Variants in XYLT2 observed in about 807,000 individuals in gnomAD.
XYLT2 encodes the protein UDP-D-xylose:proteoglycan core protein beta-D-xylosyltransferase.
Under a neutral mutation model 82.6 loss-of-function variants are expected in XYLT2, and 37 were observed. The observed-to-expected ratio is 0.45, with a 90% confidence interval of 0.34 to 0.59. The LOEUF is 0.59. Among genes scored for constraint, XYLT2 ranks in the 20% least tolerant of loss-of-function variants. The probability of loss-of-function intolerance (pLI) is 0.01; values close to 1 mark genes in which losing one functional copy is unlikely to be tolerated. For synonymous variants in XYLT2, 474 were observed against 499.0 expected, an observed-to-expected ratio of 0.95 and a Z score of 0.67; for missense variants, 934 against 1,181.3, an observed-to-expected ratio of 0.79 and a Z score of 3.07.
In XYLT2 at chr17:50,360,461, G is replaced by C. The variant is rs1303491533; in HGVS notation, c.*170G>C. The C allele has an allele frequency of 3.6e-6, 5 of 1,387,514 alleles. No individual in the cohort carries two copies. The African/African-American group carries it at 7.3e-5, about 20-fold the overall frequency. 86.0% of individuals were successfully genotyped at this position (1,387,514 alleles called of 1,614,324 possible). A position where few individuals can be genotyped will look rare whatever the true frequency, so the allele number is the denominator to read the frequency against. ...GGTGGACACAGTATGAACTACTGCT[G>C]ATGTCTCTGTTGGGGATCAGAGGGC... On this transcript the variant is annotated 3_prime_UTR_variant, in exon 11 of 11. Transcript: ENST00000017003.
chr17:50,354,636 A>C, intron 3 of XYLT2, 53 bp downstream of exon 3: 1 of 1,565,364 alleles, frequency 6.4e-7, no homozygotes, highest in Non-Finnish European at 8.6e-7. Context: ...GCAGAAACAG[A>C]AGGTTGCAGA....
At chr17:50,347,467 G>A (rs1290505636) in intron 1 of XYLT2, among the ~76,000 whole-genome samples, 2 of 152,168 alleles carry the variant, frequency 1.3e-5, no homozygotes, top group African/African-American at 2.4e-5. Context: ...AGGTGGGGGC[G>A]GGGGTGGGGC....
chr17:50,347,029 C>A, intron 1 of XYLT2: 1 of 717,414 alleles, frequency 1.4e-6, no homozygotes, highest in Non-Finnish European at 1.7e-6. Flanking sequence ...AGAGCAGGGG[C>A]AACCAACAGC....
chr17:50,349,402 A>G (rs1393612517), intron 1 of XYLT2, among the ~76,000 whole-genome samples: 1 of 151,796 alleles, frequency 6.6e-6, no homozygotes, highest in African/African-American at 2.4e-5. Flanking sequence ...TCTTGCAGGT[A>G]TCTCTTCTCG....
In XYLT2 at chr17:50,346,323, G is replaced by A; in HGVS notation, c.135+48G>A. On this transcript the variant is annotated intron_variant, in intron 1 of 10. Coordinates refer to ENST00000017003, the MANE Select transcript of XYLT2 (RefSeq NM_022167.4). The surrounding 1 kb of genome is among the most constrained non-coding windows in gnomAD (Gnocchi z 5.1). The stretch of plus-strand genomic sequence containing the variant: ...GGGCAGGCCGGGCGCGGGGGCGCGC[G>A]GGGTCCTGGCGGGGCTGCGGGCGGC... 9.8e-7 allele frequency: 1 copy of A among 1,021,952 alleles called. No homozygotes were observed. The allele number at this position is 1,021,952 out of a possible 1,614,324, so 63.3% of individuals were successfully genotyped here.
chr17:50,354,560 T>G lies in XYLT2; in HGVS notation c.781T>G (p.Phe261Val). ...CAAGGCCGTTTATCACGAGCAGCACTTCTTTTACATCCATGTGGACAAGGT... is the reference window on the plus strand; with the variant it reads ...CAAGGCCGTTTATCACGAGCAGCACGTCTTTTACATCCATGTGGACAAGGT... ...LLKAVYHEQH[F>V]FYIHVDKRSD... The change falls in exon 3 of 11, where the codon TTC (phenylalanine) becomes GTC (valine). Residue 261 changes from phenylalanine (F) to valine (V), a missense_variant. Physicochemically the swap from Phe to Val is conservative, Grantham distance 50 (BLOSUM62 -1). Transcript: ENST00000017003. 6.2e-7 allele frequency: 1 copy of G among 1,610,882 alleles called. No homozygotes were observed.
At position 50,356,138 on chromosome 17, in the gene XYLT2, C is replaced by T; in HGVS notation, c.1359C>T (p.Asp453=). The T allele has an allele frequency of 6.2e-7, 1 of 1,614,250 alleles. No individual in the cohort carries two copies. Among genetic ancestry groups the T allele is most frequent in the Non-Finnish European group, 8.5e-7 (1 of 1,180,038 alleles). ...GCCTGGCCTGTGAGACCCTCGTGGA[C>T]AACAACCTGCGGGTCACCAACTGGA... ...ENSLACETLV[D]NNLRVTNWNR... is the part of the protein sequence containing the mutation. Residue 453 remains aspartate (D), a synonymous_variant, in exon 7 of 11, where the codon GAC becomes GAT. Coordinates refer to ENST00000017003, the MANE Select transcript of XYLT2 (RefSeq NM_022167.4).
intron 1 of XYLT2, among the ~76,000 whole-genome samples, chr17:50,349,730 T>TA (rs1313760802): frequency 6.6e-6 from 1 of 151,640 alleles, no homozygotes; most frequent in Non-Finnish European, 1.5e-5. Flanking sequence ...GTGGGTAGGG[T>TA]GTGGGTAGGG....
At chr17:50,358,759 A>T (rs1012631544) in intron 10 of XYLT2, among the ~76,000 whole-genome samples, 1 of 152,242 alleles carries the variant, frequency 6.6e-6, no homozygotes, top group Non-Finnish European at 1.5e-5. Context: ...CTTGGTTTGG[A>T]ACATAACTCT....
In XYLT2 at chr17:50,356,749, C is replaced by CCAATG; in HGVS notation, c.1722_1723insAATGC (p.Pro575AsnfsTer34). The CCAATG allele has an allele frequency of 6.2e-7, 1 of 1,604,952 alleles. No homozygotes were observed. The highest frequency in any genetic ancestry group is 8.5e-7 in the Non-Finnish European group (1 of 1,179,756). On this transcript the variant is annotated frameshift_variant, in exon 8 of 11. Transcript: ENST00000017003. LOFTEE classifies it high-confidence loss of function. The stretch of plus-strand genomic sequence containing the variant: ...CTGCACCATGCCGCCACTGCTGCAC[C>CCAATG]CCCAATGGGCACCCCACTCTGCAGG...
At position 50,356,528 on chromosome 17, in the gene XYLT2, C is replaced by A; in HGVS notation, c.1500C>A (p.Thr500=). Residue 500 remains threonine (T), a synonymous_variant, in exon 8 of 11, where the codon ACC becomes ACA. Transcript: ENST00000017003. ...FLRLQQVSRP[T]FFARKFESTV... ...CACTCCAGCAAGTCTCCAGACCCAC[C>A]TTCTTCGCCCGGAAGTTCGAGTCGA... 1 of 1,614,118 alleles carries A rather than the reference C, an allele frequency of 6.2e-7. No individual in the cohort carries two copies. The highest frequency in any genetic ancestry group is 8.5e-7 in the Non-Finnish European group (1 of 1,179,998).
At chr17:50,357,383 T>A in intron 9 of XYLT2, 131 bp downstream of exon 9, 1 of 903,410 alleles carries the variant, frequency 1.1e-6, no homozygotes, top group Non-Finnish European at 1.6e-6. Flanking sequence ...GATGCCCCCA[T>A]GCAGACATCC....
chr17:50,348,533 G>A (rs991097067), intron 1 of XYLT2, among the ~76,000 whole-genome samples: 1 of 152,210 alleles, frequency 6.6e-6, no homozygotes, highest in South Asian at 2.1e-4. Flanking sequence ...CATTTAAGAC[G>A]TGCACTCTGC....
In XYLT2 at chr17:50,360,998, CAG is replaced by C. The variant is rs1286279531; in HGVS notation, c.*710_*711del. 6 of 985,772 alleles carry C rather than the reference CAG, an allele frequency of 6.1e-6. No homozygotes were observed. The highest frequency in any genetic ancestry group is 3.5e-5 in the African/African-American group (2 of 57,214). The allele number at this position is 985,772 out of a possible 1,614,324, so 61.1% of individuals were successfully genotyped here. On this transcript the variant is annotated 3_prime_UTR_variant, in exon 11 of 11. Coordinates refer to ENST00000017003, the MANE Select transcript of XYLT2 (RefSeq NM_022167.4). The stretch of plus-strand genomic sequence containing the variant: ...GGGTCAGGGCCCACTGAGACCCATG[CAG>C]AGTTTCCAGGTGTGCACTGGAAGTG...
At position 50,360,287 on chromosome 17, in the gene XYLT2, G is replaced by A; in HGVS notation, c.2594G>A (p.Arg865Lys). ...CCTGTCAAAGCAGACGGGCGACTCA[G>A]GTAGCAGGGCCCCAGCCAGTACCCG... ...LGPVKADGRL[R>K] Residue 865 changes from arginine to lysine, a missense_variant, in exon 11 of 11, where the codon AGG (arginine) becomes AAG (lysine). By Grantham distance (26) the Arg-to-Lys change is conservative. Coordinates refer to ENST00000017003, the MANE Select transcript of XYLT2 (RefSeq NM_022167.4). The A allele has an allele frequency of 1.9e-6, 3 of 1,586,736 alleles. No homozygotes were observed. Among genetic ancestry groups the A allele is most frequent in the Non-Finnish European group, 2.6e-6 (3 of 1,164,688 alleles).
rs147847688 is a variant in XYLT2 at position 50,356,610 on chromosome 17, C to G, written c.1582C>G (p.Pro528Ala). 39 of 1,614,028 alleles carry G rather than the reference C, an allele frequency of 2.4e-5. No homozygotes were observed. The highest frequency in any genetic ancestry group is 1.0e-4 in the Admixed American group (6 of 59,998). ...CTTCCACCTGTATGGCAGCTACCCC[C>G]CCGGCACGCCAGCCCTCAAGGCCTA... ...LDFHLYGSYP[P>A]GTPALKAYWE... The change falls in exon 8 of 11, where the codon CCC (proline) becomes GCC (alanine). Residue 528 changes from proline (P) to alanine (A), a missense_variant. Physicochemically the swap from Pro to Ala is conservative, Grantham distance 27. Coordinates refer to ENST00000017003, the MANE Select transcript of XYLT2 (RefSeq NM_022167.4).
rs1423415130 is a variant in XYLT2, at chr17:50,360,241, G to A, written c.2548G>A (p.Asp850Asn). 2 of 1,612,682 alleles carry A rather than the reference G, an allele frequency of 1.2e-6. No homozygotes were observed. The highest frequency in any genetic ancestry group is 8.5e-7 in the Non-Finnish European group (1 of 1,179,362). ...RLTSWSSLSPDPKSELGPVKA... is the reference protein window; with the variant it reads ...RLTSWSSLSPNPKSELGPVKA... ...GACCAGCTGGAGCTCTCTGTCCCCC[G>A]ACCCCAAATCAGAGCTGGGGCCTGT... Residue 850 changes from aspartate to asparagine, a missense_variant, in exon 11 of 11, where the codon GAC (aspartate) becomes AAC (asparagine). This residue lies in a region of XYLT2 where 374 missense variants were observed against 465.6 expected (regional missense o/e 0.80). Transcript: ENST00000017003.
rs772609083 is a variant in XYLT2, at chr17:50,355,519, G to A, written c.1026G>A (p.Val342=). The part of the protein sequence containing the change: ...DYPTRTNEEL[V]AFLSKNRDKN... ...TCACCAGGACCAATGAGGAGCTGGT[G>A]GCATTCCTATCCAAGAACCGGGACA... The change falls in exon 5 of 11, where the codon GTG becomes GTA. Residue 342 remains valine (V), a synonymous_variant. Transcript: ENST00000017003. 2 of 1,614,158 alleles carry A rather than the reference G, an allele frequency of 1.2e-6. No homozygotes were observed. Among genetic ancestry groups the A allele is most frequent in the Non-Finnish European group, 1.7e-6 (2 of 1,180,020 alleles).
chr17:50,353,842 A>G lies in XYLT2; in HGVS notation c.348A>G (p.Glu116=), dbSNP rs1354218806. 1 of 1,601,244 alleles carries G rather than the reference A, an allele frequency of 6.2e-7. No individual in the cohort carries two copies. ...SRRVPPAPPP[E]APGRQNLSGA... ...GGGTCCCACCTGCCCCACCCCCGGA[A>G]GCCCCAGGCCGCCAGAACCTGAGTG... The change falls in exon 2 of 11, where the codon GAA becomes GAG. Residue 116 remains glutamate, a synonymous_variant. Transcript: ENST00000017003.
Sources: gnomAD v4.1 joint callset for allele counts (sites outside exome capture counted in the v4.1 genomes callset) on GRCh38, gnomAD v4.1.1 for gene constraint, gnomAD v4.1.1 regional missense constraint, Gnocchi (gnomAD v3.1) non-coding constraint, MANE v1.5 for transcripts, NCBI Gene and HGNC (gene_info 2026-07-23, HGNC 2026-07-21) for gene names.